CCDC159: variants seen among roughly 807,000 people sequenced by gnomAD.
CCDC159 encodes the protein coiled-coil domain-containing protein 159.
Under a neutral mutation model 50.9 loss-of-function variants are expected in CCDC159, and 40 were observed. That is an observed-to-expected ratio of 0.79 (90% CI 0.61 to 1.02). The LOEUF (loss-of-function observed/expected upper bound fraction) is 1.02. CCDC159 is among the 50% of genes least tolerant of loss of function. The pLI is 0.00. For missense variants in CCDC159, 356 were observed against 371.5 expected (o/e 0.96, Z 0.34); for synonymous variants, 146 against 138.9 (o/e 1.05, Z -0.36).
chr19:11,351,397 A>C lies in CCDC159; in HGVS notation c.422+394A>C, dbSNP rs1175486429. ...GGTTGCAGTGAGCTGAGATCGCACC[A>C]CTGCACTCCAGCCTGGGCGCCTGGG... On this transcript the variant is annotated intron_variant, in intron 5 of 10. Transcript: ENST00000458408. 1.5e-5 allele frequency: 3 copies of C among 197,200 alleles called. No homozygotes were observed. In the South Asian group the frequency reaches 2.5e-4, roughly 17 times the overall value. 12.2% of individuals were successfully genotyped at this position (197,200 alleles called of 1,614,324 possible). A position where few individuals can be genotyped will look rare whatever the true frequency, so the allele number is the denominator to read the frequency against.
intron 1 of CCDC159, chr19:11,349,083 G>C (rs1967428034): frequency 7.4e-7 from 1 of 1,347,206 alleles, no homozygotes; most frequent in South Asian, 1.1e-5. Flanking sequence ...TGCAGGCCAG[G>C]GTGGGGCTCA....
At chr19:11,348,851 A>G (rs751019729) in intron 1 of CCDC159, 1 of 622,404 alleles carries the variant, frequency 1.6e-6, no homozygotes, top group Non-Finnish European at 2.8e-6. Flanking sequence ...GCTAACATGA[A>G]GTGTGACAAG....
In CCDC159 at chr19:11,353,390, G is replaced by A. The variant is rs1469208140; in HGVS notation, c.568-61G>A. ...GCTGGGATTACAGGTGTGAGCCACC[G>A]CGCCTGGCACTATTGTCATTATTAT... On this transcript the variant is annotated intron_variant, in intron 7 of 10. Transcript: ENST00000458408. 1.1e-5 allele frequency: 17 copies of A among 1,507,614 alleles called. No individual in the cohort carries two copies. In the Admixed American group the frequency reaches 1.9e-4, roughly 16 times the overall value. 93.4% of individuals were successfully genotyped at this position (1,507,614 alleles called of 1,614,324 possible).
chr19:11,351,776 G>C, intron 5 of CCDC159, 130 bp from the exon 6 acceptor site: 1 of 718,132 alleles, frequency 1.4e-6, no homozygotes. Context: ...ATTGTAGAAG[G>C]GGAGGGGAAA....
At chr19:11,350,397 A>C (rs1406153884) in intron 4 of CCDC159, among the ~76,000 whole-genome samples, 198 bp downstream of exon 4, 1 of 150,790 alleles carries the variant, frequency 6.6e-6, no homozygotes, top group Non-Finnish European at 1.5e-5. Flanking sequence ...TCATGGCTGT[A>C]ATCCCAGCAC....
intron 5 of CCDC159, chr19:11,351,395 C>A (rs546335145): frequency 1.7e-4 from 33 of 199,566 alleles, no homozygotes; most frequent in African/African-American, 7.3e-4. Flanking sequence ...TGAGATCGCA[C>A]CACTGCACTC....
At chr19:11,349,832 T>C in intron 2 of CCDC159, 106 bp from the exon 3 acceptor site, 1 of 1,240,402 alleles carries the variant, frequency 8.1e-7, no homozygotes, top group Non-Finnish European at 1.2e-6. Context: ...TTCTATATCT[T>C]ATCCCCTGTC....
At chr19:11,353,710 C>T in intron 8 of CCDC159, 82 bp from the exon 9 acceptor site, 9 of 1,535,006 alleles carry the variant, frequency 5.9e-6, no homozygotes, top group Non-Finnish European at 7.1e-6. Context: ...CCCACCACGG[C>T]CCCCAACCTT....
intron 1 of CCDC159, among the ~76,000 whole-genome samples, chr19:11,347,116 G>A (rs1416201155): frequency 6.6e-6 from 1 of 151,838 alleles, no homozygotes; most frequent in Admixed American, 6.6e-5. Context: ...GTCATACTCT[G>A]CTGTCCCTGG....
chr19:11,349,857 G>A, intron 2 of CCDC159, 81 bp from the exon 3 acceptor site: 2 of 1,392,686 alleles, frequency 1.4e-6, no homozygotes, highest in Admixed American at 3.5e-5. Flanking sequence ...CTGCTACTCT[G>A]AGCCTTTGCT....
chr19:11,346,761 G>C (rs1967260987), intron 1 of CCDC159, 134 bp downstream of exon 1: 8 of 1,011,214 alleles, frequency 7.9e-6, no homozygotes, highest in Non-Finnish European at 1.2e-5. Flanking sequence ...ACCGGGATGG[G>C]ACGGGGAGAG....
At chr19:11,349,887 C>G in intron 2 of CCDC159, 51 bp from the exon 3 acceptor site, 1 of 1,565,036 alleles carries the variant, frequency 6.4e-7, no homozygotes, top group Non-Finnish European at 8.8e-7. Context: ...CCTGCCCTTG[C>G]CCCAGACCCC....
chr19:11,348,355 C>G (rs1967384533), intron 1 of CCDC159, among the ~76,000 whole-genome samples: 1 of 152,136 alleles, frequency 6.6e-6, no homozygotes, highest in South Asian at 2.1e-4. Flanking sequence ...GTGGTGCAAT[C>G]TCGGCTCACT....
At chr19:11,354,319 G>C (rs1967757976) in intron 9 of CCDC159, among the ~76,000 whole-genome samples, 1 of 152,192 alleles carries the variant, frequency 6.6e-6, no homozygotes, top group African/African-American at 2.4e-5. Flanking sequence ...GAGCCTGCGA[G>C]GTTGAGGCTG....
At chr19:11,349,539 G>A in intron 1 of CCDC159, 115 bp from the exon 2 acceptor site, 1 of 1,374,090 alleles carries the variant, frequency 7.3e-7, no homozygotes, top group Non-Finnish European at 1.0e-6. Flanking sequence ...TTACGGTTTG[G>A]GACACCTAGA....
intron 4 of CCDC159, 112 bp from the exon 5 acceptor site, chr19:11,350,695 TG>T: frequency 9.5e-7 from 1 of 1,054,148 alleles, no homozygotes; most frequent in Non-Finnish European, 1.3e-6. Context: ...TGGGATCAGC[TG>T]GGCCAGGCCA....
intron 7 of CCDC159, among the ~76,000 whole-genome samples, chr19:11,352,881 T>A (rs1967659065): frequency 6.6e-6 from 1 of 151,502 alleles, no homozygotes; most frequent in African/African-American, 2.4e-5. Context: ...CGTTGAGCCC[T>A]GATAGTACCA....
chr19:11,349,707 A>G lies in CCDC159; in HGVS notation c.55+20A>G, dbSNP rs552256230. 1 of 1,573,258 alleles carries G rather than the reference A, an allele frequency of 6.4e-7. No individual in the cohort carries two copies. The highest frequency in any genetic ancestry group is 1.1e-5 in the South Asian group (1 of 89,984). On this transcript the variant is annotated intron_variant, in intron 2 of 10. Transcript: ENST00000458408. ...TCAAAGGTGAGAAATCTCCTTTCCA[A>G]CAAAACTGTGTGGGGAAGACCTGCT... is the stretch of plus-strand genomic sequence containing the variant.
In CCDC159 at chr19:11,348,151, G is replaced by A. The variant is rs920258478; in HGVS notation, c.22-1503G>A. 6.4e-5 allele frequency: 29 copies of A among 456,648 alleles called. No homozygotes were observed. In the East Asian group the frequency reaches 1.0e-3, roughly 16 times the overall value. 28.3% of individuals were successfully genotyped at this position (456,648 alleles called of 1,614,324 possible). ...TTTTGCACATGCTGCTCCCTGCCAG[G>A]AAAGGCCTTCCTTTAAGCCAATGTC... On this transcript the variant is annotated intron_variant, in intron 1 of 10. Coordinates refer to ENST00000458408, the MANE Select transcript of CCDC159 (RefSeq NM_001080503.3).
Sources: gnomAD v4.1 joint callset for allele counts (sites outside exome capture counted in the v4.1 genomes callset) on GRCh38, gnomAD v4.1.1 for gene constraint, MANE v1.5 for transcripts, NCBI Gene and HGNC (gene_info 2026-07-23, HGNC 2026-07-21) for gene names.